CLVS2: variants seen among roughly 807,000 people sequenced by gnomAD.
The protein encoded by CLVS2 is clavesin 2, also known as clavesin-2.
Under a neutral mutation model 29.0 loss-of-function variants are expected in CLVS2, and 19 were observed. That is an observed-to-expected ratio of 0.66 (90% CI 0.46 to 0.96). The LOEUF (loss-of-function observed/expected upper bound fraction) is 0.96, where lower values mean the gene tolerates loss of function less well. CLVS2 is among the 40% of genes least tolerant of loss of function. The pLI is 0.00. For synonymous variants in CLVS2, 161 were observed against 151.3 expected (o/e 1.06, Z -0.47); for missense variants, 294 against 404.1 (o/e 0.73, Z 2.34).
intron 3 of CLVS2, among the ~76,000 whole-genome samples, chr6:123,023,202 T>C (rs958086297): frequency 1.3e-5 from 2 of 152,048 alleles, no homozygotes; most frequent in Admixed American, 6.6e-5. Context: ...GTTGCTGTGG[T>C]GTGTCCTTTT....
At chr6:123,031,728 AG>A (rs1260254596) in intron 3 of CLVS2, among the ~76,000 whole-genome samples, 1 of 152,130 alleles carries the variant, frequency 6.6e-6, no homozygotes, top group Non-Finnish European at 1.5e-5. Context: ...GAAGATTGTC[AG>A]GGAGTAAAAC....
chr6:123,011,711 G>C (rs1293364262), intron 3 of CLVS2, among the ~76,000 whole-genome samples: 2 of 151,906 alleles, frequency 1.3e-5, no homozygotes, highest in Admixed American at 1.3e-4. Context: ...CTTCCAGTGA[G>C]TAATGTTTAA....
intron 3 of CLVS2, among the ~76,000 whole-genome samples, chr6:123,025,293 A>G (rs1305118515): frequency 1.3e-5 from 2 of 152,000 alleles, no homozygotes; most frequent in African/African-American, 2.4e-5. Context: ...AAAATGAATA[A>G]ATGGAGTTTT....
At position 123,068,916 on chromosome 6, in the gene CLVS2, A is replaced by T. The variant is rs1289554251; in HGVS notation, c.*5155A>T. ...TATACATTTATTTTGCACATTGTTA[A>T]TGTTAAATTTGGTAGTCCTGGATCT... On this transcript the variant is annotated 3_prime_UTR_variant, in exon 6 of 6. Transcript: ENST00000275162. 1 of 151,576 alleles carries T rather than the reference A, an allele frequency of 6.6e-6. No individual in the cohort carries two copies. Among genetic ancestry groups the T allele is most frequent in the African/African-American group, 2.4e-5 (1 of 41,362 alleles). 9.4% of individuals were successfully genotyped at this position (151,576 alleles called of 1,614,324 possible).
At chr6:123,001,282 C>T (rs530800655) in intron 2 of CLVS2, among the ~76,000 whole-genome samples, 5 of 152,124 alleles carry the variant, frequency 3.3e-5, no homozygotes, top group Admixed American at 6.5e-5. Context: ...GTGTAGTTTA[C>T]TTTTAGGTTA....
At chr6:123,016,516 T>G (rs1774836706) in intron 3 of CLVS2, among the ~76,000 whole-genome samples, 1 of 152,046 alleles carries the variant, frequency 6.6e-6, no homozygotes, top group Non-Finnish European at 1.5e-5. Context: ...CTCCCTTGCC[T>G]CTGCCCTACT....
intron 5 of CLVS2, among the ~76,000 whole-genome samples, chr6:123,056,743 T>C (rs1772698787): frequency 6.6e-6 from 1 of 152,160 alleles, no homozygotes; most frequent in South Asian, 2.1e-4. Flanking sequence ...ATAAGCAATT[T>C]ATTGGATTTC....
chr6:123,000,555 G>A (rs1029110647), intron 2 of CLVS2, among the ~76,000 whole-genome samples: 1 of 151,932 alleles, frequency 6.6e-6, no homozygotes, highest in Non-Finnish European at 1.5e-5. Flanking sequence ...CCTCTACCCC[G>A]AAGGCTCCTT....
intron 5 of CLVS2, among the ~76,000 whole-genome samples, chr6:123,058,389 C>T (rs1772725645): frequency 6.6e-6 from 1 of 152,178 alleles, no homozygotes; most frequent in Admixed American, 6.5e-5. Flanking sequence ...TCTTTGTCAG[C>T]TAATGAGGCC....
intron 5 of CLVS2, 47 bp from the exon 6 acceptor site, chr6:123,063,627 A>G: frequency 2.7e-6 from 3 of 1,091,272 alleles, no homozygotes; most frequent in Non-Finnish European, 4.2e-6. Flanking sequence ...TGTCATCTGC[A>G]CAATTACCTG....
At chr6:123,002,051 G>C (rs185566301) in intron 2 of CLVS2, among the ~76,000 whole-genome samples, 272 of 152,280 alleles carry the variant, frequency 1.8e-3, no homozygotes, top group Non-Finnish European at 3.0e-3. Context: ...CTGGAATATG[G>C]TTAATAGTCA....
chr6:123,001,984 A>G (rs1774594909), intron 2 of CLVS2, among the ~76,000 whole-genome samples: 1 of 152,208 alleles, frequency 6.6e-6, no homozygotes, highest in Admixed American at 6.5e-5. Flanking sequence ...TTATTTCTCT[A>G]GATCTCATTA....
rs1041028115 is a variant in CLVS2 at position 123,067,211 on chromosome 6, G to A, written c.*3450G>A. 8.6e-5 allele frequency: 13 copies of A among 151,748 alleles called. No individual in the cohort carries two copies. The highest frequency in any genetic ancestry group is 1.2e-4 in the African/African-American group (5 of 41,498). 9.4% of individuals were successfully genotyped at this position (151,748 alleles called of 1,614,324 possible). On this transcript the variant is annotated 3_prime_UTR_variant, in exon 6 of 6. Transcript: ENST00000275162. ...GGTCATATTGTTAAACATGTGAAGC[G>A]TCTGTAATATTCCTGAGGGAAAAGA...
At chr6:123,048,778 T>C (rs1772560157) in intron 4 of CLVS2, 46 bp downstream of exon 4, 1 of 1,108,980 alleles carries the variant, frequency 9.0e-7, no homozygotes, top group Non-Finnish European at 1.4e-6. Context: ...CGCCATCCAA[T>C]GAATTATAAT....
At chr6:123,063,565 G>A (rs958471625) in intron 5 of CLVS2, 109 bp from the exon 6 acceptor site, 2 of 651,540 alleles carry the variant, frequency 3.1e-6, no homozygotes, top group Admixed American at 2.5e-5. Flanking sequence ...TCTTGATATA[G>A]AGGAAGGGAA....
intron 3 of CLVS2, among the ~76,000 whole-genome samples, chr6:123,018,826 C>A (rs950306974): frequency 6.6e-6 from 1 of 151,990 alleles, no homozygotes; most frequent in Non-Finnish European, 1.5e-5. Flanking sequence ...GACCTAAAGT[C>A]AACTACATTT....
chr6:123,019,212 A>G (rs4243502), intron 3 of CLVS2, among the ~76,000 whole-genome samples: 147,117 of 152,108 alleles, frequency 0.97, 71,192 homozygotes, highest in East Asian at 1. Flanking sequence ...GGGAGGCTGA[A>G]AAATTGAATA....
chr6:123,035,897 T>C (rs1415188217), intron 3 of CLVS2, among the ~76,000 whole-genome samples: 1 of 152,166 alleles, frequency 6.6e-6, no homozygotes, highest in Non-Finnish European at 1.5e-5. Context: ...GAGGATTTTA[T>C]GCAACAGTGA....
rs1772824710 is a variant in CLVS2 at position 123,064,483 on chromosome 6, T to G, written c.*722T>G. The G allele has an allele frequency of 6.6e-6, 1 of 151,922 alleles. No individual in the cohort carries two copies. Among genetic ancestry groups the G allele is most frequent in the Admixed American group, 6.6e-5 (1 of 15,224 alleles). 9.4% of individuals were successfully genotyped at this position (151,922 alleles called of 1,614,324 possible). A position where few individuals can be genotyped will look rare whatever the true frequency, so the allele number is the denominator to read the frequency against. ...TCTTTTTAAATTGCTGTCTTCACAA[T>G]GTGCCCTTTATTCAAGACCCTATTA... is the stretch of plus-strand genomic sequence containing the variant. On this transcript the variant is annotated 3_prime_UTR_variant, in exon 6 of 6. Coordinates refer to ENST00000275162, the MANE Select transcript of CLVS2 (RefSeq NM_001010852.4).
Sources: allele counts gnomAD v4.1 joint callset (sites outside exome capture counted in the v4.1 genomes callset), GRCh38; gene constraint gnomAD v4.1.1; transcripts MANE v1.5; gene names NCBI Gene and HGNC (gene_info 2026-07-23, HGNC 2026-07-21).